CELF2: variants seen among roughly 807,000 people sequenced by gnomAD.
CELF2 encodes CUG triplet repeat RNA-binding protein 2.
In CELF2, 8 loss-of-function variants were observed where a neutral mutation model predicts 62.6. The ratio of observed to expected loss-of-function variants is 0.13; its 90% confidence interval spans 0.07 to 0.23. The LOEUF is 0.23. CELF2 is among the 10% of genes least tolerant of loss of function. The probability of loss-of-function intolerance (pLI) is 1.00; values close to 1 mark genes in which losing one functional copy is unlikely to be tolerated. For synonymous variants in CELF2, 258 were observed against 250.0 expected, an observed-to-expected ratio of 1.03 and a Z score of -0.30; for missense variants, 333 against 671.0, an observed-to-expected ratio of 0.50 and a Z score of 5.56.
At chr10:11,307,354 T>C (rs2094299888) in intron 9 of CELF2, among the ~76,000 whole-genome samples, 1 of 152,246 alleles carries the variant, frequency 6.6e-6, no homozygotes, top group Non-Finnish European at 1.5e-5. Context: ...TCCTGTGATT[T>C]CCTGCAAGGT....
At chr10:10,625,750 T>C in the CELF2 span, among the ~76,000 whole-genome samples, 219 of 152,294 alleles carry the variant, frequency 1.4e-3, no homozygotes, top group African/African-American at 4.8e-3. Context: ...CCATCCCTCA[T>C]TGAAGAGGGG....
At chr10:10,788,834 A>G in the CELF2 span, among the ~76,000 whole-genome samples, 2 of 151,990 alleles carry the variant, frequency 1.3e-5, no homozygotes, top group South Asian at 2.1e-4. Context: ...AAGCACCTCA[A>G]TGCGTTTTTG....
At chr10:10,672,194 C>T in the CELF2 span, among the ~76,000 whole-genome samples, 2 of 152,270 alleles carry the variant, frequency 1.3e-5, no homozygotes, top group South Asian at 4.1e-4. Flanking sequence ...CTGTGACTTG[C>T]CTTTTTATTC....
At chr10:10,545,064 C>CG in the CELF2 span, among the ~76,000 whole-genome samples, 1 of 152,006 alleles carries the variant, frequency 6.6e-6, no homozygotes, top group Non-Finnish European at 1.5e-5. Context: ...CTTTGATACA[C>CG]GCGTAGGACT....
At chr10:10,599,200 T>C in the CELF2 span, among the ~76,000 whole-genome samples, 1 of 152,232 alleles carries the variant, frequency 6.6e-6, no homozygotes, top group Non-Finnish European at 1.5e-5. Flanking sequence ...AGAGAAGTCA[T>C]TGAGAGCAAT....
At chr10:11,187,901 G>T (rs550053414) in intron 2 of CELF2, among the ~76,000 whole-genome samples, 2 of 151,958 alleles carry the variant, frequency 1.3e-5, no homozygotes, top group Non-Finnish European at 2.9e-5. Flanking sequence ...AAACTATCTC[G>T]CCTGTTTATG....
the CELF2 span, among the ~76,000 whole-genome samples, chr10:10,572,217 A>T: frequency 6.6e-6 from 1 of 151,868 alleles, no homozygotes; most frequent in East Asian, 1.9e-4. Context: ...TTTTTTTTTT[A>T]ATCATTAAGA....
rs2140284649 is a variant in CELF2 at position 11,305,160 on chromosome 10, G to C, written c.977-8979G>C. ...ACAGGAAATCCAAGGCTGGTGAGGGGCTAGGGGGAGGTGGTCCAGGTTATC... is the reference window on the plus strand; with the variant it reads ...ACAGGAAATCCAAGGCTGGTGAGGGCCTAGGGGGAGGTGGTCCAGGTTATC... On this transcript the variant is annotated intron_variant, in intron 9 of 12. Transcript: ENST00000633077. The surrounding 1 kb of genome is among the most constrained non-coding windows in gnomAD (Gnocchi z 4.8). 6.6e-6 allele frequency among the ~76,000 whole-genome samples: 1 copy of C among 152,336 alleles called. No individual in the cohort carries two copies. The highest frequency in any genetic ancestry group is 1.9e-4 in the East Asian group (1 of 5,184).
chr10:11,006,520 C>G (rs1267489922), intron 1 of CELF2, among the ~76,000 whole-genome samples: 1 of 152,194 alleles, frequency 6.6e-6, no homozygotes, highest in Non-Finnish European at 1.5e-5. Flanking sequence ...TGTGATCAGA[C>G]CTGCCTCTAT....
chr10:11,314,450 C>T lies in CELF2; in HGVS notation c.1096+192C>T. 1 of 693,636 alleles carries T rather than the reference C, an allele frequency of 1.4e-6. No individual in the cohort carries two copies. Among genetic ancestry groups the T allele is most frequent in the East Asian group, 2.8e-5 (1 of 35,774 alleles). The allele number at this position is 693,636 out of a possible 1,614,324, so 43.0% of individuals were successfully genotyped here. ...TTTTGCCTCAGAAAATCCCCAACCA[C>T]TCTCCACCCCCAGATTCTCTTCAGT... On this transcript the variant is annotated intron_variant, in intron 10 of 12. Transcript: ENST00000633077. This position sits in a 1 kb window ranked among gnomAD's most constrained non-coding sequence, Gnocchi z 5.3.
chr10:11,092,571 A>T (rs1420293028), intron 1 of CELF2, among the ~76,000 whole-genome samples: 2 of 152,250 alleles, frequency 1.3e-5, no homozygotes, highest in Admixed American at 1.3e-4. Flanking sequence ...ATGCAGAAAT[A>T]TGATTGGAGG....
chr10:10,782,800 T>C, the CELF2 span, among the ~76,000 whole-genome samples: 6 of 152,200 alleles, frequency 3.9e-5, no homozygotes, highest in Non-Finnish European at 5.9e-5. Context: ...TAGTCTGCGG[T>C]TTCTCAGCCA....
chr10:10,740,153 C>CTTTT, the CELF2 span, among the ~76,000 whole-genome samples: 44 of 94,438 alleles, frequency 4.7e-4, no homozygotes, highest in Middle Eastern at 0.012. Context: ...GTTGCCTGTG[C>CTTTT]TTTTTTTTTT....
the CELF2 span, among the ~76,000 whole-genome samples, chr10:10,660,648 T>C: frequency 4.2e-4 from 64 of 152,348 alleles, 1 homozygote; most frequent in East Asian, 9.8e-3. Flanking sequence ...TTTTTTTCTT[T>C]ATATTCCCTA....
In CELF2 at chr10:11,237,203, GGAGA is replaced by G. The variant is rs892924879; in HGVS notation, c.355-11938_355-11935del. 1.3e-5 allele frequency among the ~76,000 whole-genome samples: 2 copies of G among 151,636 alleles called. No individual in the cohort carries two copies. Among genetic ancestry groups the G allele is most frequent in the Non-Finnish European group, 2.9e-5 (2 of 67,864 alleles). On this transcript the variant is annotated intron_variant, in intron 3 of 12. Coordinates refer to ENST00000633077, the MANE Select transcript of CELF2 (RefSeq NM_001326342.2). The surrounding 1 kb of genome is among the most constrained non-coding windows in gnomAD (Gnocchi z 4.0). Reference sequence around the variant, plus strand: ...AGTCTATGAGAAGGAAAAGAAATTAGGAGAGAGAGAGAGAGCTAAACTGAGGATT... The same window carrying G: ...AGTCTATGAGAAGGAAAAGAAATTAGGAGAGAGAGAGCTAAACTGAGGATT...
At chr10:11,040,511 C>G (rs1176337934) in intron 1 of CELF2, among the ~76,000 whole-genome samples, 1 of 152,082 alleles carries the variant, frequency 6.6e-6, no homozygotes, top group Non-Finnish European at 1.5e-5. Context: ...TTTAATGTAT[C>G]TTCTATGTAG....
the CELF2 span, among the ~76,000 whole-genome samples, chr10:10,516,716 A>C: frequency 6.7e-6 from 1 of 148,276 alleles, no homozygotes; most frequent in Non-Finnish European, 1.5e-5. Context: ...ATGGCAGAAA[A>C]TAAATACTCA....
At chr10:11,313,332 C>T (rs1414749415) in intron 9 of CELF2, among the ~76,000 whole-genome samples, 6 of 152,216 alleles carry the variant, frequency 3.9e-5, no homozygotes, top group South Asian at 2.1e-4. Flanking sequence ...GAATGACAGA[C>T]GTTCACATGC....
chr10:10,653,929 G>A, the CELF2 span, among the ~76,000 whole-genome samples: 1 of 151,950 alleles, frequency 6.6e-6, no homozygotes, highest in Non-Finnish European at 1.5e-5. Context: ...GAATCCAGGA[G>A]CTGGTTTTTT....
Sources: allele counts gnomAD v4.1 joint callset (sites outside exome capture counted in the v4.1 genomes callset), GRCh38; gene constraint gnomAD v4.1.1; non-coding constraint Gnocchi (gnomAD v3.1); transcripts MANE v1.5; gene names NCBI Gene and HGNC (gene_info 2026-07-23, HGNC 2026-07-21).